The following TERF1 variants were observed in gnomAD, a reference collection of about 807,000 sequenced individuals.
TERF1 encodes the protein telomeric repeat binding factor 1.
TERF1 carries 20 observed loss-of-function variants against 55.1 expected under a neutral mutation model. The observed-to-expected ratio is 0.36, with a 90% CI of 0.26 to 0.53. TERF1 has a LOEUF of 0.53. TERF1 is among the 20% of genes least tolerant of loss of function. TERF1 has a pLI of 0.91. For missense variants in TERF1, 439 were observed against 535.7 expected (o/e 0.82, Z 1.78); for synonymous variants, 168 against 181.2 (o/e 0.93, Z 0.59).
In TERF1 at chr8:73,008,943, G is replaced by A. The variant is rs1285455128; in HGVS notation, c.57G>A (p.Arg19=). The part of the protein sequence containing the change: ...APSPRGCADG[R]DADPTEEQMA... The stretch of plus-strand genomic sequence containing the variant: ...GCCCGCGGGGCTGTGCGGATGGTAG[G>A]GATGCCGACCCTACTGAGGAGCAGA... The change falls in exon 1 of 10, where the codon AGG becomes AGA. Residue 19 remains arginine, a synonymous_variant. Transcript: ENST00000276603. 3 of 1,613,018 alleles carry A rather than the reference G, an allele frequency of 1.9e-6. No homozygotes were observed. Among genetic ancestry groups the A allele is most frequent in the Admixed American group, 1.7e-5 (1 of 59,930 alleles).
intron 2 of TERF1, among the ~76,000 whole-genome samples, chr8:73,015,308 T>C (rs1808453620): frequency 7.5e-6 from 1 of 132,646 alleles, no homozygotes. Context: ...ACATAACCCT[T>C]TTGCTTTTTT....
At chr8:73,016,613 T>A (rs1808516560) in intron 2 of TERF1, among the ~76,000 whole-genome samples, 1 of 151,974 alleles carries the variant, frequency 6.6e-6, no homozygotes, top group African/African-American at 2.4e-5. Context: ...TAATTTTTTG[T>A]AGAGACGAGG....
intron 3 of TERF1, 149 bp downstream of exon 3, chr8:73,020,954 T>G: frequency 1.2e-5 from 7 of 590,006 alleles, no homozygotes; most frequent in Non-Finnish European, 1.2e-5. Context: ...AGTCTTAACA[T>G]GAGCACTGGG....
chr8:73,028,216 A>G (rs754527330), intron 6 of TERF1, among the ~76,000 whole-genome samples: 6 of 152,180 alleles, frequency 3.9e-5, no homozygotes, highest in Admixed American at 1.3e-4. Context: ...CTCCTTATAT[A>G]GTGCTACCCA....
chr8:73,038,743 GA>G, intron 8 of TERF1: 1 of 970,812 alleles, frequency 1.0e-6, no homozygotes, highest in South Asian at 4.8e-5. Context: ...CTATGAATAA[GA>G]AAGAAGGAGT....
chr8:73,014,243 TAAA>T (rs35442223), intron 2 of TERF1, among the ~76,000 whole-genome samples: 1 of 148,912 alleles, frequency 6.7e-6, no homozygotes. Context: ...AAGGGCTTAT[TAAA>T]AAAAAAAAAA....
At position 73,047,049 on chromosome 8, in the gene TERF1, G is replaced by A. The variant is rs1023485698; in HGVS notation, c.*912G>A. On this transcript the variant is annotated 3_prime_UTR_variant, in exon 10 of 10. Transcript: ENST00000276603. ...GAGGTAGGGTGGGGAGCGGGAGCAAGAGCTGAAAAACTTACCTACTGGGGA... is the reference window on the plus strand; with the variant it reads ...GAGGTAGGGTGGGGAGCGGGAGCAAAAGCTGAAAAACTTACCTACTGGGGA... 3.3e-5 allele frequency: 5 copies of A among 152,188 alleles called. No individual in the cohort carries two copies. The highest frequency in any genetic ancestry group is 1.2e-4 in the African/African-American group (5 of 41,440). 9.4% of individuals were successfully genotyped at this position (152,188 alleles called of 1,614,324 possible).
At chr8:73,035,199 G>C (rs1420629218) in intron 8 of TERF1, among the ~76,000 whole-genome samples, 2 of 151,990 alleles carry the variant, frequency 1.3e-5, no homozygotes, top group African/African-American at 4.8e-5. Context: ...ATTGACCTTA[G>C]CAAAAATTTC....
chr8:73,025,480 C>T (rs1485226350), intron 5 of TERF1, among the ~76,000 whole-genome samples: 1 of 151,800 alleles, frequency 6.6e-6, no homozygotes, highest in African/African-American at 2.4e-5. Context: ...GGGCCGGGCG[C>T]GGTGGCTCAC....
At position 73,045,969 on chromosome 8, in the gene TERF1, T is replaced by C; in HGVS notation, c.1152T>C (p.Leu384=). 1 of 1,573,012 alleles carries C rather than the reference T, an allele frequency of 6.4e-7. No individual in the cohort carries two copies. Among genetic ancestry groups the C allele is most frequent in the Non-Finnish European group, 8.6e-7 (1 of 1,163,202 alleles). ...TTACTTTTTATCAAAAGGCATGGCT[T>C]TGGGAAGAAGACAAGAATTTGAGAT... is the stretch of plus-strand genomic sequence containing the variant. ...KHRARKRQAW[L]WEEDKNLRSG... Residue 384 remains leucine (L), a synonymous_variant, in exon 10 of 10, where the codon CTT becomes CTC. Transcript: ENST00000276603.
intron 8 of TERF1, among the ~76,000 whole-genome samples, chr8:73,034,433 T>C (rs1022244122): frequency 1.7e-5 from 2 of 114,772 alleles, no homozygotes; most frequent in African/African-American, 5.6e-5. Context: ...ACACCCGGCC[T>C]TTTTGTGTTT....
chr8:73,032,450 T>C (rs1188414955), intron 8 of TERF1, among the ~76,000 whole-genome samples: 2 of 152,146 alleles, frequency 1.3e-5, no homozygotes, highest in African/African-American at 4.8e-5. Context: ...ATGGTGGTCC[T>C]GTAATAATGT....
chr8:73,009,269 G>A, intron 1 of TERF1, 64 bp downstream of exon 1: 1 of 1,540,624 alleles, frequency 6.5e-7, no homozygotes, highest in South Asian at 1.2e-5. Flanking sequence ...CGTGGTGCGC[G>A]GCAGAGGGCT....
intron 1 of TERF1, chr8:73,012,359 T>G (rs983084323): frequency 6.6e-6 from 1 of 152,196 alleles, no homozygotes; most frequent in Non-Finnish European, 1.5e-5. Context: ...TATCAAAATG[T>G]GACAGGTACA....
At chr8:73,029,265 G>A (rs1013784030) in intron 6 of TERF1, among the ~76,000 whole-genome samples, 4 of 152,098 alleles carry the variant, frequency 2.6e-5, no homozygotes, top group African/African-American at 7.2e-5. Context: ...TGTTTGAAGG[G>A]GATTAGTCCT....
chr8:73,035,735 A>G (rs1241584316), intron 8 of TERF1, among the ~76,000 whole-genome samples: 1 of 152,146 alleles, frequency 6.6e-6, no homozygotes, highest in Non-Finnish European at 1.5e-5. Flanking sequence ...TAATGCTAAA[A>G]TCTCTCCATC....
chr8:73,023,447 C>T (rs993580793), intron 4 of TERF1, among the ~76,000 whole-genome samples: 4 of 152,160 alleles, frequency 2.6e-5, no homozygotes, highest in African/African-American at 9.7e-5. Context: ...CAGTAAGGAA[C>T]CTGGGCCTAG....
In TERF1 at chr8:73,024,969, A is replaced by C; in HGVS notation, c.772A>C (p.Lys258Gln). 1 of 1,549,050 alleles carries C rather than the reference A, an allele frequency of 6.5e-7. No homozygotes were observed. Among genetic ancestry groups the C allele is most frequent in the Admixed American group, 1.8e-5 (1 of 54,740 alleles). Residue 258 changes from lysine (K) to glutamine (Q), a missense_variant and splice_region_variant, in exon 5 of 10, where the codon AAG becomes CAG. Physicochemically the swap from Lys to Gln is moderately conservative, Grantham distance 53. Transcript: ENST00000276603. Reference sequence around the variant, plus strand: ...TGAAAAATCATCAACCTTTCTAATGAAGGTATACATATTATTCAAGAGTGA... The same window carrying C: ...TGAAAAATCATCAACCTTTCTAATGCAGGTATACATATTATTCAAGAGTGA... ...LSEKSSTFLM[K>Q]AAAKVVESKR...
intron 9 of TERF1, among the ~76,000 whole-genome samples, chr8:73,040,901 A>C (rs1809807888): frequency 6.6e-6 from 1 of 152,114 alleles, no homozygotes; most frequent in Non-Finnish European, 1.5e-5. Context: ...CATCAGAGGC[A>C]TTGTTCATTT....
Sources: allele counts gnomAD v4.1 joint callset (sites outside exome capture counted in the v4.1 genomes callset), GRCh38; gene constraint gnomAD v4.1.1; transcripts MANE v1.5; gene names NCBI Gene and HGNC (gene_info 2026-07-23, HGNC 2026-07-21).